L3MBTL4: variants seen among roughly 807,000 people sequenced by gnomAD.
L3MBTL4 encodes lethal(3)malignant brain tumor-like protein 4.
L3MBTL4 carries 70 observed loss-of-function variants against 84.5 expected under a neutral mutation model. The ratio of observed to expected loss-of-function variants is 0.83; its 90% CI spans 0.68 to 1.01. The LOEUF (loss-of-function observed/expected upper bound fraction) is 1.01, where lower values mean the gene tolerates loss of function less well. Ranked by LOEUF, L3MBTL4 falls within the 50% of genes least tolerant of loss-of-function variation. L3MBTL4 has a pLI of 0.00. For synonymous variants in L3MBTL4, 274 were observed against 259.8 expected, an observed-to-expected ratio of 1.05 and a Z score of -0.52; for missense variants, 715 against 754.8, an observed-to-expected ratio of 0.95 and a Z score of 0.62.
rs557802339 is a variant in L3MBTL4, at chr18:5,978,817, A to C, written c.1445-9255T>G. On this transcript the variant is annotated intron_variant, in intron 16 of 18. Coordinates refer to ENST00000317931, the MANE Select transcript of L3MBTL4 (RefSeq NM_001330559.2). ...GTGGAAGTTAGCCCTGGCTTCAGCTATATGGGCACCCAGGCCTACGGTGGA... is the reference window on the plus strand; with the variant it reads ...GTGGAAGTTAGCCCTGGCTTCAGCTCTATGGGCACCCAGGCCTACGGTGGA... Among the ~76,000 whole-genome samples, 29 of 152,350 alleles carry C rather than the reference A, an allele frequency of 1.9e-4. No individual in the cohort carries two copies. The South Asian group carries it at 4.8e-3, about 25-fold the overall frequency.
intron 4 of L3MBTL4, among the ~76,000 whole-genome samples, chr18:6,274,199 A>G (rs80107619): frequency 0.015 from 2,302 of 152,342 alleles, 69 homozygotes; most frequent in African/African-American, 0.053. Context: ...CATCAGTGTC[A>G]CCCAGAAAAT....
At chr18:6,239,093 G>A (rs1599289333) in intron 9 of L3MBTL4, among the ~76,000 whole-genome samples, 2 of 152,206 alleles carry the variant, frequency 1.3e-5, no homozygotes, top group East Asian at 1.9e-4. Context: ...TGTAATCCCA[G>A]CACTTTGGGA....
intron 10 of L3MBTL4, among the ~76,000 whole-genome samples, chr18:6,232,307 T>G (rs1034161105): frequency 1.1e-4 from 16 of 152,290 alleles, no homozygotes; most frequent in African/African-American, 3.8e-4. Flanking sequence ...TATTGAGGAT[T>G]TTTGCATCAG....
chr18:6,140,979 A>C (rs1182792102), intron 13 of L3MBTL4, among the ~76,000 whole-genome samples: 1 of 151,526 alleles, frequency 6.6e-6, no homozygotes, highest in East Asian at 2.0e-4. Context: ...CTGTAACACA[A>C]ATTTATGGTT....
chr18:6,121,718 G>A (rs934650885), intron 14 of L3MBTL4, among the ~76,000 whole-genome samples: 3 of 136,768 alleles, frequency 2.2e-5, no homozygotes, highest in African/African-American at 8.7e-5. Flanking sequence ...GTGTGTGTGT[G>A]TATGTGTGTG....
chr18:6,149,309 T>C (rs1202505094), intron 13 of L3MBTL4, among the ~76,000 whole-genome samples: 1 of 151,614 alleles, frequency 6.6e-6, no homozygotes, highest in Non-Finnish European at 1.5e-5. Flanking sequence ...TTTGGTTTTT[T>C]GTCCTTGCGA....
intron 5 of L3MBTL4, among the ~76,000 whole-genome samples, chr18:6,253,553 G>A (rs114172688): frequency 6.2e-4 from 94 of 152,260 alleles, no homozygotes; most frequent in African/African-American, 1.9e-3. Flanking sequence ...ATTTTAAGGT[G>A]GTGCCCACAT....
At chr18:6,076,744 T>C (rs1406428100) in intron 16 of L3MBTL4, among the ~76,000 whole-genome samples, 4 of 152,216 alleles carry the variant, frequency 2.6e-5, no homozygotes, top group African/African-American at 9.7e-5. Flanking sequence ...CTTATCTCTT[T>C]CAATTTTTAT....
intron 16 of L3MBTL4, among the ~76,000 whole-genome samples, chr18:5,972,892 GAGAAT>G (rs5822882): frequency 0.046 from 5,963 of 130,424 alleles, 64 homozygotes; most frequent in Middle Eastern, 0.064. Flanking sequence ...TAGAACAGAA[GAGAAT>G]AGAATAGAAT....
chr18:6,057,821 G>A (rs2057079187), intron 16 of L3MBTL4, among the ~76,000 whole-genome samples: 1 of 152,170 alleles, frequency 6.6e-6, no homozygotes, highest in South Asian at 2.1e-4. Context: ...ATAGCAACAA[G>A]ACAAGCAGTG....
At chr18:6,405,425 T>C (rs528637812) in intron 1 of L3MBTL4, among the ~76,000 whole-genome samples, 38 of 152,356 alleles carry the variant, frequency 2.5e-4, no homozygotes, top group African/African-American at 8.4e-4. Flanking sequence ...CAGCTCCTGA[T>C]GTACCATCTG....
chr18:6,004,996 A>ATTTTTT (rs1567973105), intron 16 of L3MBTL4, among the ~76,000 whole-genome samples: 46 of 42,012 alleles, frequency 1.1e-3, no homozygotes, highest in Non-Finnish European at 1.4e-3. Flanking sequence ...TTAAGATGAT[A>ATTTTTT]ATTTTTTTTT....
chr18:6,296,160 A>C (rs992385837), intron 4 of L3MBTL4, among the ~76,000 whole-genome samples: 1 of 152,242 alleles, frequency 6.6e-6, no homozygotes, highest in Non-Finnish European at 1.5e-5. Context: ...TCCTCCAACA[A>C]AAGACTCCAG....
Position 6,271,466 on chromosome 18 carries a change from G to T in L3MBTL4, c.128-7428C>A, listed in dbSNP as rs1165273549. Among the ~76,000 whole-genome samples, 3 of 152,298 alleles carry T rather than the reference G, an allele frequency of 2.0e-5. No homozygotes were observed. The East Asian group carries it at 5.8e-4, about 29-fold the overall frequency. On this transcript the variant is annotated intron_variant, in intron 4 of 18. Coordinates refer to ENST00000317931, the MANE Select transcript of L3MBTL4 (RefSeq NM_001330559.2). ...CAGGGTGGGGCGGCAAAGGGAGAAG[G>T]CAAAATAGTCCCGAAGCTGCCGGGC...
At chr18:6,399,195 G>A (rs879344326) in intron 1 of L3MBTL4, among the ~76,000 whole-genome samples, 3 of 152,248 alleles carry the variant, frequency 2.0e-5, no homozygotes, top group South Asian at 2.1e-4. Flanking sequence ...ATCCCAGCAC[G>A]TTGGAAGGCC....
chr18:6,408,579 T>A (rs1340262187), intron 1 of L3MBTL4, among the ~76,000 whole-genome samples: 1 of 152,210 alleles, frequency 6.6e-6, no homozygotes, highest in Non-Finnish European at 1.5e-5. Flanking sequence ...CACAGTTTGC[T>A]GCAGTCTTCA....
intron 16 of L3MBTL4, among the ~76,000 whole-genome samples, chr18:6,045,615 C>T (rs945642765): frequency 1.1e-4 from 16 of 152,184 alleles, no homozygotes; most frequent in Admixed American, 9.8e-4. Flanking sequence ...GACTCACCAT[C>T]ATGAGAACAG....
chr18:6,049,050 C>T (rs1248262677), intron 16 of L3MBTL4, among the ~76,000 whole-genome samples: 1 of 151,934 alleles, frequency 6.6e-6, no homozygotes. Flanking sequence ...CTCAGGGAGG[C>T]AGAGGTGAGG....
intron 17 of L3MBTL4, among the ~76,000 whole-genome samples, chr18:5,966,185 A>G (rs2052344854): frequency 6.6e-6 from 1 of 152,168 alleles, no homozygotes; most frequent in Non-Finnish European, 1.5e-5. Context: ...GTTAAGTGCC[A>G]CGCTTGAAAT....
Sources: gnomAD v4.1 joint callset for allele counts (sites outside exome capture counted in the v4.1 genomes callset) on GRCh38, gnomAD v4.1.1 for gene constraint, MANE v1.5 for transcripts, NCBI Gene and HGNC (gene_info 2026-07-23, HGNC 2026-07-21) for gene names.